The following CACNA1C variants were observed in gnomAD, a reference collection of about 807,000 sequenced individuals.
CACNA1C encodes the protein calcium voltage-gated channel subunit alpha1 C.
A neutral mutation model predicts 229.0 loss-of-function variants in CACNA1C; 30 were observed. The ratio of observed to expected loss-of-function variants is 0.13; its 90% CI spans 0.10 to 0.18. CACNA1C has a LOEUF of 0.18. Ranked by LOEUF, CACNA1C falls within the 10% of genes least tolerant of loss-of-function variation. The pLI, the probability that CACNA1C is intolerant of heterozygous loss-of-function variation, is 1.00. For synonymous variants in CACNA1C, 1,114 were observed against 1,132.5 expected (o/e 0.98, Z 0.33); for missense variants, 1,658 against 2,845.0 (o/e 0.58, Z 9.49).
At position 2,084,531 on chromosome 12, in the gene CACNA1C, G is replaced by A. The variant is rs150602622; in HGVS notation, c.50-30693G>A. On this transcript the variant is annotated intron_variant, in intron 1 of 46. Coordinates refer to ENST00000399655, the MANE Select transcript of CACNA1C (RefSeq NM_000719.7). ...CCACTTTCTTTACCCACGTTCTCCC[G>A]TGGCTTCATTCCTCTCCCTCTTGCC... 2.1e-3 allele frequency among the ~76,000 whole-genome samples: 323 copies of A among 152,062 alleles called. 1 individual carries two copies. The highest frequency in any genetic ancestry group is 7.4e-3 in the African/African-American group (306 of 41,446).
intron 1 of CACNA1C, among the ~76,000 whole-genome samples, chr12:2,046,018 A>T (rs1405835607): frequency 1.3e-5 from 2 of 151,934 alleles, no homozygotes; most frequent in African/African-American, 4.8e-5. Context: ...CCACAAGTCA[A>T]GGAATGCTGC....
intron 3 of CACNA1C, among the ~76,000 whole-genome samples, chr12:2,269,384 G>A (rs1330905547): frequency 1.3e-5 from 2 of 152,206 alleles, no homozygotes; most frequent in Non-Finnish European, 2.9e-5. Context: ...ACTGATGGGA[G>A]TGACAGTGAA....
chr12:2,148,499 A>G (rs977162448), intron 3 of CACNA1C, among the ~76,000 whole-genome samples: 1 of 151,238 alleles, frequency 6.6e-6, no homozygotes, highest in African/African-American at 2.4e-5. Flanking sequence ...CATACTAGTA[A>G]TGATTACCAT....
intron 18 of CACNA1C, among the ~76,000 whole-genome samples, chr12:2,592,488 C>T (rs1001646013): frequency 2.6e-5 from 4 of 152,208 alleles, no homozygotes; most frequent in Non-Finnish European, 5.9e-5. Context: ...TGAGCATCTT[C>T]AACACATTTG....
chr12:2,377,657 C>T (rs561432591), intron 3 of CACNA1C, among the ~76,000 whole-genome samples: 1 of 152,318 alleles, frequency 6.6e-6, no homozygotes, highest in East Asian at 1.9e-4. Context: ...TGTTCTTTAT[C>T]TCCTCCAGTC....
At chr12:2,506,109 T>C (rs1165341754) in intron 8 of CACNA1C, among the ~76,000 whole-genome samples, 1 of 152,104 alleles carries the variant, frequency 6.6e-6, no homozygotes, top group African/African-American at 2.4e-5. Flanking sequence ...CCACCTCCCA[T>C]GGAGAATGGC....
chr12:2,645,633 G>T (rs2094263867), intron 30 of CACNA1C, among the ~76,000 whole-genome samples: 1 of 152,148 alleles, frequency 6.6e-6, no homozygotes, highest in Non-Finnish European at 1.5e-5. Flanking sequence ...AACGCCCAGG[G>T]CATCAGTAGA....
intron 11 of CACNA1C, among the ~76,000 whole-genome samples, chr12:2,563,112 A>G (rs1227533790): frequency 6.6e-6 from 1 of 152,154 alleles, no homozygotes; most frequent in Non-Finnish European, 1.5e-5. Context: ...GCTCCCACAT[A>G]TGAGTGAGAA....
At chr12:2,043,965 T>A (rs1055224007) in intron 1 of CACNA1C, among the ~76,000 whole-genome samples, 2 of 152,192 alleles carry the variant, frequency 1.3e-5, no homozygotes, top group African/African-American at 4.8e-5. Context: ...AAAAACAGAA[T>A]ATTCTTGCTA....
intron 3 of CACNA1C, among the ~76,000 whole-genome samples, chr12:2,355,361 AC>A (rs1010913872): frequency 6.7e-6 from 1 of 149,188 alleles, no homozygotes; most frequent in East Asian, 2.0e-4. Context: ...AGGACCTCCC[AC>A]CCCCCCACAT....
intron 3 of CACNA1C, among the ~76,000 whole-genome samples, chr12:2,376,271 G>A (rs2098062631): frequency 6.9e-6 from 1 of 145,818 alleles, no homozygotes; most frequent in African/African-American, 2.4e-5. Flanking sequence ...GTGACCTCCT[G>A]TGTGGCTTTG....
At chr12:2,104,929 G>C (rs1473810239) in intron 1 of CACNA1C, among the ~76,000 whole-genome samples, 1 of 152,210 alleles carries the variant, frequency 6.6e-6, no homozygotes, top group Non-Finnish European at 1.5e-5. Context: ...CCGTGGCTTA[G>C]CTGTGTGTCT....
chr12:1,999,686 T>A (rs965759587), intron 1 of CACNA1C, among the ~76,000 whole-genome samples: 1 of 152,104 alleles, frequency 6.6e-6, no homozygotes, highest in Non-Finnish European at 1.5e-5. Flanking sequence ...TGATTGTACC[T>A]CTGCATTCCA....
chr12:2,241,100 A>G (rs1431881358), intron 3 of CACNA1C, among the ~76,000 whole-genome samples: 5 of 151,960 alleles, frequency 3.3e-5, no homozygotes, highest in Non-Finnish European at 7.4e-5. Flanking sequence ...GAGGGCAAGC[A>G]TTTCCTTGCG....
intron 1 of CACNA1C, among the ~76,000 whole-genome samples, chr12:2,043,247 C>T (rs1286178549): frequency 1.3e-5 from 2 of 152,178 alleles, no homozygotes; most frequent in Non-Finnish European, 2.9e-5. Flanking sequence ...CACACACATG[C>T]GGTTGTTGAT....
At chr12:2,587,702 T>TA (rs1356119313) in intron 18 of CACNA1C, among the ~76,000 whole-genome samples, 1 of 152,196 alleles carries the variant, frequency 6.6e-6, no homozygotes, top group African/African-American at 2.4e-5. Flanking sequence ...GGGGGATGCT[T>TA]ACGCTTTCCA....
chr12:2,666,091 A>C lies in CACNA1C; in HGVS notation c.4526+383A>C. Among the ~76,000 whole-genome samples, 1 of 152,254 alleles carries C rather than the reference A, an allele frequency of 6.6e-6. No homozygotes were observed. Among genetic ancestry groups the C allele is most frequent in the Non-Finnish European group, 1.5e-5 (1 of 68,042 alleles). Reference sequence around the variant, plus strand: ...ATAATCCCAGCTACTCAGGAGGCCAAGGCATGAGAATTGCCTGAACCTGGG... The same window carrying C: ...ATAATCCCAGCTACTCAGGAGGCCACGGCATGAGAATTGCCTGAACCTGGG... On this transcript the variant is annotated intron_variant, in intron 36 of 46. Transcript: ENST00000399655. This position sits in a 1 kb window ranked among gnomAD's most constrained non-coding sequence, Gnocchi z 5.3.
At chr12:2,018,102 A>G (rs566729791) in intron 1 of CACNA1C, 1 of 152,244 alleles carries the variant, frequency 6.6e-6, no homozygotes, top group Non-Finnish European at 1.5e-5. Flanking sequence ...TCAAGCCCGG[A>G]TATGTCACAT....
rs191237182 is a variant in CACNA1C at position 2,649,591 on chromosome 12, G to A, written c.3945+1084G>A. Among the ~76,000 whole-genome samples the A allele has an allele frequency of 2.4e-4, 37 of 152,202 alleles. No individual in the cohort carries two copies. Among genetic ancestry groups the A allele is most frequent in the Admixed American group, 2.0e-3 (31 of 15,284 alleles). On this transcript the variant is annotated intron_variant, in intron 31 of 46. Transcript: ENST00000399655. This position sits in a 1 kb window ranked among gnomAD's most constrained non-coding sequence, Gnocchi z 4.4. Reference sequence around the variant, plus strand: ...TGGCAGTGAGTTTATTCTCCTTCTCGAGCAGCATTAGGAAACTGCAGCCAC... The same window carrying A: ...TGGCAGTGAGTTTATTCTCCTTCTCAAGCAGCATTAGGAAACTGCAGCCAC...
Sources: allele counts gnomAD v4.1 joint callset (sites outside exome capture counted in the v4.1 genomes callset), GRCh38; gene constraint gnomAD v4.1.1; non-coding constraint Gnocchi (gnomAD v3.1); transcripts MANE v1.5; gene names NCBI Gene and HGNC (gene_info 2026-07-23, HGNC 2026-07-21).